LSAMP: variants seen among roughly 807,000 people sequenced by gnomAD.
The protein encoded by LSAMP is limbic system-associated membrane protein.
LSAMP carries 7 observed loss-of-function variants against 38.6 expected under a neutral mutation model. The ratio of observed to expected loss-of-function variants is 0.18; its 90% CI spans 0.10 to 0.34. The LOEUF (loss-of-function observed/expected upper bound fraction) is 0.34, where lower values mean the gene tolerates loss of function less well. LSAMP is among the 10% of genes least tolerant of loss of function. The probability of loss-of-function intolerance (pLI) is 1.00; values close to 1 mark genes in which losing one functional copy is unlikely to be tolerated. For synonymous variants in LSAMP, 154 were observed against 166.8 expected, an observed-to-expected ratio of 0.92 and a Z score of 0.59; for missense variants, 313 against 420.0, an observed-to-expected ratio of 0.75 and a Z score of 2.23.
chr3:115,974,083 T>C (rs1939106709), intron 3 of LSAMP, among the ~76,000 whole-genome samples: 1 of 151,718 alleles, frequency 6.6e-6, no homozygotes, highest in Admixed American at 6.6e-5. Flanking sequence ...AAATGGAGGG[T>C]AGTGTAATCC....
intron 3 of LSAMP, among the ~76,000 whole-genome samples, chr3:115,913,190 G>C (rs924603179): frequency 2.0e-5 from 3 of 152,150 alleles, no homozygotes; most frequent in African/African-American, 7.2e-5. Context: ...ATAAATTACA[G>C]AATTTTAATG....
At chr3:116,263,049 G>T (rs892627848) in intron 1 of LSAMP, among the ~76,000 whole-genome samples, 1 of 152,200 alleles carries the variant, frequency 6.6e-6, no homozygotes, top group Non-Finnish European at 1.5e-5. Context: ...TTTCCCTGGG[G>T]AAGCCTGTCT....
chr3:115,828,834 T>C (rs1037360710), intron 6 of LSAMP, among the ~76,000 whole-genome samples: 2 of 152,176 alleles, frequency 1.3e-5, no homozygotes, highest in Non-Finnish European at 2.9e-5. Context: ...AAAAAAAATA[T>C]TCATTTTCAA....
intron 1 of LSAMP, among the ~76,000 whole-genome samples, chr3:116,318,723 A>G (rs1341602568): frequency 1.3e-5 from 2 of 152,204 alleles, no homozygotes; most frequent in African/African-American, 4.8e-5. Flanking sequence ...AATACAATAT[A>G]TTATATTTGG....
intron 2 of LSAMP, among the ~76,000 whole-genome samples, chr3:116,084,613 A>C (rs995762941): frequency 6.6e-6 from 1 of 152,268 alleles, no homozygotes; most frequent in Non-Finnish European, 1.5e-5. Context: ...CTCATCTAGA[A>C]ACCAAGGGAT....
At chr3:116,033,301 A>G (rs1047745252) in intron 2 of LSAMP, among the ~76,000 whole-genome samples, 1 of 152,144 alleles carries the variant, frequency 6.6e-6, no homozygotes, top group African/African-American at 2.4e-5. Flanking sequence ...TGCTTCCACA[A>G]ATAAATCCCA....
chr3:116,100,639 A>G (rs977255089), intron 1 of LSAMP, among the ~76,000 whole-genome samples: 1 of 152,088 alleles, frequency 6.6e-6, no homozygotes, highest in Non-Finnish European at 1.5e-5. Context: ...ACCCACAGCT[A>G]TTCCATCTGT....
At chr3:116,014,758 T>G (rs557476624) in intron 3 of LSAMP, among the ~76,000 whole-genome samples, 1 of 152,216 alleles carries the variant, frequency 6.6e-6, no homozygotes, top group African/African-American at 2.4e-5. Flanking sequence ...AATTCTAACA[T>G]GCTAACTTGA....
intron 2 of LSAMP, among the ~76,000 whole-genome samples, chr3:116,085,052 T>C (rs1174718817): frequency 6.6e-6 from 1 of 152,156 alleles, no homozygotes; most frequent in East Asian, 1.9e-4. Flanking sequence ...ATATTTCTAG[T>C]TATGTTTACA....
At chr3:115,872,725 A>T (rs557332216) in intron 3 of LSAMP, among the ~76,000 whole-genome samples, 1 of 152,198 alleles carries the variant, frequency 6.6e-6, no homozygotes, top group East Asian at 1.9e-4. Flanking sequence ...AACCATTTTG[A>T]AAACTCTGTA....
intron 3 of LSAMP, among the ~76,000 whole-genome samples, chr3:115,955,398 G>A (rs1559895695): frequency 6.6e-6 from 1 of 152,036 alleles, no homozygotes; most frequent in Non-Finnish European, 1.5e-5. Context: ...AAATATCCCA[G>A]CAGACCGTGT....
chr3:116,440,206 G>A (rs1398815903), intron 1 of LSAMP, among the ~76,000 whole-genome samples: 1 of 152,196 alleles, frequency 6.6e-6, no homozygotes, highest in Non-Finnish European at 1.5e-5. Flanking sequence ...TGCCCTGGAG[G>A]AGGGATATCT....
At chr3:116,155,716 A>T (rs145140909) in intron 1 of LSAMP, among the ~76,000 whole-genome samples, 7 of 151,562 alleles carry the variant, frequency 4.6e-5, no homozygotes. Context: ...AAATTAGCCA[A>T]GATGAAAGCT....
rs563213165 is a variant in LSAMP, at chr3:116,106,343, C to T, written c.156-19787G>A. Among the ~76,000 whole-genome samples, 5 of 152,198 alleles carry T rather than the reference C, an allele frequency of 3.3e-5. No homozygotes were observed. In the South Asian group the frequency reaches 8.3e-4, roughly 25 times the overall value. On this transcript the variant is annotated intron_variant, in intron 1 of 6. Transcript: ENST00000490035. ...AATGGTGAATAGGAGTATGACTAGACAGAAGATAGTAGGGATGACAAGTTT... is the reference window on the plus strand; with the variant it reads ...AATGGTGAATAGGAGTATGACTAGATAGAAGATAGTAGGGATGACAAGTTT...
chr3:116,386,926 C>T (rs181749162), intron 1 of LSAMP, among the ~76,000 whole-genome samples: 1 of 152,216 alleles, frequency 6.6e-6, no homozygotes, highest in African/African-American at 2.4e-5. Flanking sequence ...AAGTAAACAT[C>T]TGAGAAGATA....
chr3:116,314,475 T>A (rs750856980), intron 1 of LSAMP, among the ~76,000 whole-genome samples: 3 of 152,166 alleles, frequency 2.0e-5, no homozygotes, highest in African/African-American at 4.8e-5. Context: ...TCAGTAACGT[T>A]AAAAAGAAAA....
intron 1 of LSAMP, among the ~76,000 whole-genome samples, chr3:116,221,138 G>T: frequency 1.2e-5 from 1 of 86,574 alleles, no homozygotes; most frequent in Non-Finnish European, 2.0e-5. Flanking sequence ...GTGACAGAGC[G>T]AGACTCTGTC....
intron 1 of LSAMP, among the ~76,000 whole-genome samples, chr3:116,172,782 T>C (rs182683077): frequency 6.6e-6 from 1 of 152,146 alleles, no homozygotes; most frequent in Non-Finnish European, 1.5e-5. Context: ...GTGTAATGGA[T>C]GTTTAGTGTC....
At chr3:115,930,761 G>A in intron 3 of LSAMP, among the ~76,000 whole-genome samples, 1 of 147,190 alleles carries the variant, frequency 6.8e-6, no homozygotes. Flanking sequence ...GGAGATGAGA[G>A]GAGATTAACA....
Sources: allele counts gnomAD v4.1 joint callset (sites outside exome capture counted in the v4.1 genomes callset), GRCh38; gene constraint gnomAD v4.1.1; transcripts MANE v1.5; gene names NCBI Gene and HGNC (gene_info 2026-07-23, HGNC 2026-07-21).